The following SLC24A3 variants were observed in gnomAD, a reference collection of about 807,000 sequenced individuals.
SLC24A3 encodes sodium/potassium/calcium exchanger 3.
Under a neutral mutation model 75.8 loss-of-function variants are expected in SLC24A3, and 28 were observed. That is an observed-to-expected ratio of 0.37 (90% confidence interval 0.27 to 0.51). The LOEUF (loss-of-function observed/expected upper bound fraction) is 0.51, where lower values mean the gene tolerates loss of function less well. Among genes scored for constraint, SLC24A3 ranks in the 20% least tolerant of loss-of-function variants. The pLI is 0.94. For synonymous variants in SLC24A3, 372 were observed against 334.1 expected (o/e 1.11, Z -1.24); for missense variants, 663 against 847.8 (o/e 0.78, Z 2.71).
chr20:19,344,413 G>C (rs1985342079), intron 2 of SLC24A3, among the ~76,000 whole-genome samples: 1 of 152,182 alleles, frequency 6.6e-6, no homozygotes, highest in African/African-American at 2.4e-5. Context: ...TTGGTCTTGG[G>C]TTGGGGTTCC....
At chr20:19,649,490 A>G (rs1039484346) in intron 6 of SLC24A3, among the ~76,000 whole-genome samples, 2 of 152,098 alleles carry the variant, frequency 1.3e-5, no homozygotes, top group African/African-American at 4.8e-5. Context: ...CTACATTCCT[A>G]TCTATAGTTT....
chr20:19,327,238 G>A (rs556864944), intron 2 of SLC24A3, among the ~76,000 whole-genome samples: 8 of 152,296 alleles, frequency 5.3e-5, no homozygotes, highest in African/African-American at 1.4e-4. Context: ...GTTGACTCCC[G>A]TGTGTCCTCA....
chr20:19,627,257 C>G (rs1376242812), intron 6 of SLC24A3, among the ~76,000 whole-genome samples: 1 of 152,210 alleles, frequency 6.6e-6, no homozygotes, highest in Non-Finnish European at 1.5e-5. Flanking sequence ...TACAACCGCA[C>G]ATAAGCCATT....
intron 3 of SLC24A3, among the ~76,000 whole-genome samples, chr20:19,530,285 G>C (rs187303215): frequency 6.6e-6 from 1 of 152,262 alleles, no homozygotes; most frequent in Admixed American, 6.5e-5. Context: ...TAGATAAACC[G>C]TACTCACTGG....
intron 6 of SLC24A3, among the ~76,000 whole-genome samples, chr20:19,589,875 G>A (rs1845625150): frequency 6.6e-6 from 1 of 152,052 alleles, no homozygotes; most frequent in Non-Finnish European, 1.5e-5. Flanking sequence ...AGAGTCTATT[G>A]TCTGGTAGTT....
intron 1 of SLC24A3, among the ~76,000 whole-genome samples, chr20:19,227,045 A>G (rs1276804504): frequency 2.0e-5 from 3 of 152,228 alleles, no homozygotes; most frequent in East Asian, 3.8e-4. Context: ...GCTCACACGT[A>G]CTATCATGTA....
intron 6 of SLC24A3, among the ~76,000 whole-genome samples, chr20:19,608,336 T>A (rs2031625586): frequency 6.6e-6 from 1 of 152,208 alleles, no homozygotes; most frequent in Non-Finnish European, 1.5e-5. Context: ...ATTAGCAACA[T>A]AAGATTTAAA....
chr20:19,291,074 A>C (rs1983930420), intron 2 of SLC24A3, among the ~76,000 whole-genome samples: 1 of 152,190 alleles, frequency 6.6e-6, no homozygotes, highest in Non-Finnish European at 1.5e-5. Context: ...TCGGGTCCTC[A>C]GTTGCCTCAG....
chr20:19,686,131 G>T (rs745947158), intron 12 of SLC24A3, among the ~76,000 whole-genome samples: 4 of 152,200 alleles, frequency 2.6e-5, no homozygotes, highest in Non-Finnish European at 4.4e-5. Context: ...TAGCTGTTCT[G>T]CAGGAACTTT....
chr20:19,569,094 T>C (rs1027408790), intron 3 of SLC24A3, among the ~76,000 whole-genome samples: 1 of 152,086 alleles, frequency 6.6e-6, no homozygotes, highest in South Asian at 2.1e-4. Context: ...CAGGGAACCC[T>C]TGTGGGAGGT....
chr20:19,241,215 T>C (rs1474304220), intron 1 of SLC24A3, among the ~76,000 whole-genome samples: 1 of 152,242 alleles, frequency 6.6e-6, no homozygotes, highest in Non-Finnish European at 1.5e-5. Flanking sequence ...CGGACGGGGT[T>C]ATCCAGAGGT....
intron 6 of SLC24A3, among the ~76,000 whole-genome samples, chr20:19,604,411 A>G (rs1269223915): frequency 6.6e-6 from 1 of 152,066 alleles, no homozygotes; most frequent in African/African-American, 2.4e-5. Context: ...GAACAGAGTG[A>G]CTCGGTTAGG....
At position 19,684,256 on chromosome 20, in the gene SLC24A3, G is replaced by A. The variant is rs2032647457; in HGVS notation, c.982G>A (p.Ala328Thr). 6.2e-7 allele frequency: 1 copy of A among 1,614,078 alleles called. No individual in the cohort carries two copies. ...CCCACACCAGCTTTCCTTCTCTGAG[G>A]CTGGCCTTCGAATCATGATAACCAG... ...AYPHQLSFSE[A>T]GLRIMITSHF... Residue 328 changes from alanine (A) to threonine (T), a missense_variant, in exon 11 of 17, where the codon GCT (alanine) becomes ACT (threonine). By Grantham distance (58) the Ala-to-Thr change is moderately conservative. Transcript: ENST00000328041.
chr20:19,485,697 C>T (rs1988117853), intron 2 of SLC24A3, among the ~76,000 whole-genome samples: 1 of 152,166 alleles, frequency 6.6e-6, no homozygotes, highest in Admixed American at 6.5e-5. Flanking sequence ...ACTGGCCTCA[C>T]AGCTCCTTGA....
At chr20:19,364,597 G>A (rs1041148073) in intron 2 of SLC24A3, among the ~76,000 whole-genome samples, 1 of 152,150 alleles carries the variant, frequency 6.6e-6, no homozygotes, top group Non-Finnish European at 1.5e-5. Flanking sequence ...TAGGACTACA[G>A]GTGTGCACCA....
chr20:19,663,350 A>G (rs1480443542), intron 7 of SLC24A3, among the ~76,000 whole-genome samples: 3 of 114,242 alleles, frequency 2.6e-5, no homozygotes, highest in Non-Finnish European at 5.7e-5. Context: ...AACCCGAATG[A>G]TATTTGCCAT....
intron 2 of SLC24A3, among the ~76,000 whole-genome samples, chr20:19,325,820 AGAGAGAGAGAGAGAGAGAGG>A (rs1435178175): frequency 0.023 from 2,624 of 116,126 alleles, 165 homozygotes; most frequent in African/African-American, 0.1. Flanking sequence ...AGAGAGAGAG[AGAGAGAGAGAGAGAGAGAGG>A]GAGACATCTG....
intron 2 of SLC24A3, among the ~76,000 whole-genome samples, chr20:19,441,286 G>A (rs1416220375): frequency 6.6e-6 from 1 of 152,166 alleles, no homozygotes; most frequent in Non-Finnish European, 1.5e-5. Flanking sequence ...GGGGCCGGAA[G>A]TAATGACGGT....
chr20:19,338,659 G>A (rs926397692), intron 2 of SLC24A3, among the ~76,000 whole-genome samples: 12 of 152,202 alleles, frequency 7.9e-5, no homozygotes, highest in Non-Finnish European at 1.5e-4. Context: ...CAAATGCAAT[G>A]TGGAAATCTG....
Sources: gnomAD v4.1 joint callset for allele counts (sites outside exome capture counted in the v4.1 genomes callset) on GRCh38, gnomAD v4.1.1 for gene constraint, MANE v1.5 for transcripts, NCBI Gene and HGNC (gene_info 2026-07-23, HGNC 2026-07-21) for gene names.